The following CPNE7 variants were observed in gnomAD, a reference collection of about 807,000 sequenced individuals.
The protein encoded by CPNE7 is copine-7.
CPNE7 carries 78 observed loss-of-function variants against 66.5 expected under a neutral mutation model. The ratio of observed to expected loss-of-function variants is 1.17; its 90% CI spans 0.98 to 1.42. The LOEUF (loss-of-function observed/expected upper bound fraction) is 1.42. Ranked by LOEUF, CPNE7 falls within the 40% of genes most tolerant of loss-of-function variation. The pLI is 0.00. For missense variants in CPNE7, 1,012 were observed against 776.6 expected (o/e 1.30, Z -3.60); for synonymous variants, 468 against 336.7 (o/e 1.39, Z -4.27).
At chr16:89,577,111 C>G (rs561113971) in intron 1 of CPNE7, among the ~76,000 whole-genome samples, 1 of 152,244 alleles carries the variant, frequency 6.6e-6, no homozygotes, top group South Asian at 2.1e-4. Flanking sequence ...GGCAGTTGGA[C>G]CAGGGAACTG....
intron 13 of CPNE7, among the ~76,000 whole-genome samples, chr16:89,592,571 T>TA (rs1255367948): frequency 6.7e-6 from 1 of 149,458 alleles, no homozygotes; most frequent in African/African-American, 2.5e-5. Flanking sequence ...GCCTCCCGAG[T>TA]AGCTGGGATT....
rs1454382415 is a variant in CPNE7 at position 89,587,238 on chromosome 16, G to GC, written c.927+140dup. ...CCCATCCCCGCCCCCTCAGTCCGTG[G>GC]CCCCGCCCCTCCCGCCCCCTCAGTC... On this transcript the variant is annotated intron_variant, in intron 9 of 14. Transcript: ENST00000319518. The GC allele has an allele frequency of 9.0e-6, 2 of 221,478 alleles. 1 individual carries two copies. The highest frequency in any genetic ancestry group is 6.0e-5 in the South Asian group (2 of 33,168). 13.7% of individuals were successfully genotyped at this position (221,478 alleles called of 1,614,324 possible). A position where few individuals can be genotyped will look rare whatever the true frequency, so the allele number is the denominator to read the frequency against.
rs377530717 is a variant in CPNE7, at chr16:89,584,096, C to T, written c.501C>T (p.Asp167=). The T allele has an allele frequency of 1.4e-5, 23 of 1,611,108 alleles. No homozygotes were observed. In the African/African-American group the frequency reaches 2.0e-4, roughly 14 times the overall value. The change falls in exon 4 of 15, where the codon GAC becomes GAT. Residue 167 remains aspartate (D), a synonymous_variant. Coordinates refer to ENST00000319518, the MANE Select transcript of CPNE7 (RefSeq NM_153636.3). The surrounding 1 kb of genome is among the most constrained non-coding windows in gnomAD (Gnocchi z 6.0). ...TCTCCTTCCGGGCCAGGAAGCTGGACGACAAGGTGAGTGCAGGTGCCGGGC... is the reference window on the plus strand; with the variant it reads ...TCTCCTTCCGGGCCAGGAAGCTGGATGACAAGGTGAGTGCAGGTGCCGGGC... ...VELSFRARKL[D]DKDLFSKSDP...
chr16:89,591,778 C>A (rs1806070221), intron 13 of CPNE7, among the ~76,000 whole-genome samples: 2 of 152,014 alleles, frequency 1.3e-5, no homozygotes, highest in Non-Finnish European at 2.9e-5. Flanking sequence ...CAGCTCACTG[C>A]AACCTCTGCT....
Position 89,575,952 on chromosome 16 carries a change from C to A in CPNE7, c.55C>A (p.Pro19Thr). ...GGCAACCCCCGGGGGTTTGCCCGCG[C>A]CCTGCGCCTCGAAGGTGGAGCTGCG... is the stretch of plus-strand genomic sequence containing the variant. ...AAATPGGLPA[P>T]CASKVELRLS... Residue 19 changes from proline (P) to threonine (T), a missense_variant, in exon 1 of 15, where the codon CCC (proline) becomes ACC (threonine). Pro to Thr is a conservative substitution (Grantham distance 38). Transcript: ENST00000319518. 7.4e-7 allele frequency: 1 copy of A among 1,346,494 alleles called. No homozygotes were observed. Among genetic ancestry groups the A allele is most frequent in the Non-Finnish European group, 9.5e-7 (1 of 1,048,152 alleles). The allele number at this position is 1,346,494 out of a possible 1,614,324, so 83.4% of individuals were successfully genotyped here.
Position 89,597,174 on chromosome 16 carries a change from TG to T in CPNE7, c.*554del. 6.8e-6 allele frequency: 1 copy of T among 147,658 alleles called. No homozygotes were observed. The highest frequency in any genetic ancestry group is 2.4e-5 in the African/African-American group (1 of 41,150). The allele number at this position is 147,658 out of a possible 1,614,324, so 9.1% of individuals were successfully genotyped here. On this transcript the variant is annotated 3_prime_UTR_variant, in exon 15 of 15. Coordinates refer to ENST00000319518, the MANE Select transcript of CPNE7 (RefSeq NM_153636.3). ...CTGGGTCCATGGGGTCTGCGGGGTCTGCGGGGTCTGCCTGGCCTGTGGGTTC... is the reference window on the plus strand; with the variant it reads ...CTGGGTCCATGGGGTCTGCGGGGTCTCGGGGTCTGCCTGGCCTGTGGGTTC...
chr16:89,588,188 ACGGCCCCCGTGT>A (rs2059110882), intron 9 of CPNE7, among the ~76,000 whole-genome samples: 1 of 102,620 alleles, frequency 9.7e-6, no homozygotes. Context: ...CCACAGATAC[ACGGCCCCCGTGT>A]CACCCGCGTG....
chr16:89,578,904 T>C (rs1242994470), intron 2 of CPNE7: 2 of 1,613,628 alleles, frequency 1.2e-6, no homozygotes, highest in Non-Finnish European at 8.5e-7. Context: ...TGTCTGTTGA[T>C]GTGCTGGGCC....
At chr16:89,577,839 C>G in intron 2 of CPNE7, 118 bp downstream of exon 2, 1 of 815,682 alleles carries the variant, frequency 1.2e-6, no homozygotes, top group Non-Finnish European at 1.9e-6. Context: ...TGGCTCTGCC[C>G]CCTCCTCAGC....
intron 13 of CPNE7, among the ~76,000 whole-genome samples, chr16:89,591,749 G>GA (rs1340928780): frequency 6.6e-6 from 1 of 151,754 alleles, no homozygotes; most frequent in Non-Finnish European, 1.5e-5. Context: ...ACCCAGGCTG[G>GA]AGTGCAGTGA....
chr16:89,589,976 C>G, intron 11 of CPNE7, 25 bp downstream of exon 11: 1 of 1,612,800 alleles, frequency 6.2e-7, no homozygotes, highest in South Asian at 1.1e-5. Flanking sequence ...AACCTGAGAC[C>G]TCAGAGCTGT....
Position 89,584,380 on chromosome 16 carries a change from A to G in CPNE7, c.507+278A>G, listed in dbSNP as rs1597701229. On this transcript the variant is annotated intron_variant, in intron 4 of 14. Coordinates refer to ENST00000319518, the MANE Select transcript of CPNE7 (RefSeq NM_153636.3). The surrounding 1 kb of genome is among the most constrained non-coding windows in gnomAD (Gnocchi z 6.0). ...TCAGGGATGGGGAAATAGGCCCAGCACCCCCGAGGCCACTGTCGTGACAGG... is the reference window on the plus strand; with the variant it reads ...TCAGGGATGGGGAAATAGGCCCAGCGCCCCCGAGGCCACTGTCGTGACAGG... Among the ~76,000 whole-genome samples the G allele has an allele frequency of 6.6e-6, 1 of 152,038 alleles. No homozygotes were observed. Among genetic ancestry groups the G allele is most frequent in the South Asian group, 2.1e-4 (1 of 4,820 alleles).
chr16:89,593,834 C>T (rs1278807299), intron 13 of CPNE7, among the ~76,000 whole-genome samples: 1 of 152,192 alleles, frequency 6.6e-6, no homozygotes, highest in East Asian at 1.9e-4. Context: ...GTTCCTGGCC[C>T]AGGAGCCAGT....
rs555565171 is a variant in CPNE7, at chr16:89,587,056, A to G, written c.881A>G (p.Tyr294Cys). 3 of 1,579,182 alleles carry G rather than the reference A, an allele frequency of 1.9e-6. No individual in the cohort carries two copies. The highest frequency in any genetic ancestry group is 2.3e-5 in the East Asian group (1 of 43,160). Reference sequence around the variant, plus strand: ...GCCGGCCGGAAGTTCCACAGGGTGTACTCCTTCCTGGACTATATCATGGGC... The same window carrying G: ...GCCGGCCGGAAGTTCCACAGGGTGTGCTCCTTCCTGGACTATATCATGGGC... ...VLADLKFHRV[Y>C]SFLDYIMGGC... Residue 294 changes from tyrosine (Y) to cysteine (C), a missense_variant, in exon 9 of 15, where the codon TAC (tyrosine) becomes TGC (cysteine). Tyr to Cys is a radical substitution (Grantham distance 194). Transcript: ENST00000319518.
chr16:89,576,163 A>T, intron 1 of CPNE7, 92 bp downstream of exon 1: 2 of 1,112,126 alleles, frequency 1.8e-6, no homozygotes, highest in Non-Finnish European at 1.1e-6. Context: ...CGCTGAGGCC[A>T]GTGGGGCGCA....
At chr16:89,593,632 G>A (rs970062139) in intron 13 of CPNE7, among the ~76,000 whole-genome samples, 2 of 152,168 alleles carry the variant, frequency 1.3e-5, no homozygotes, top group Admixed American at 1.3e-4. Flanking sequence ...GATTACAGGC[G>A]TGAGCCACCG....
intron 1 of CPNE7, among the ~76,000 whole-genome samples, chr16:89,576,503 G>T (rs2058862305): frequency 6.6e-6 from 1 of 152,106 alleles, no homozygotes; most frequent in Non-Finnish European, 1.5e-5. Context: ...GCGCGCTGGG[G>T]TGCGGACCTC....
intron 2 of CPNE7, among the ~76,000 whole-genome samples, chr16:89,579,363 C>T (rs1192574153): frequency 2.0e-5 from 3 of 152,150 alleles, no homozygotes; most frequent in African/African-American, 7.2e-5. Context: ...GGTGACTGTA[C>T]ACAGCTGACC....
At chr16:89,581,934 T>C (rs2058964491) in intron 2 of CPNE7, among the ~76,000 whole-genome samples, 1 of 152,262 alleles carries the variant, frequency 6.6e-6, no homozygotes. Flanking sequence ...CATGAGCCAC[T>C]GTGTCTGGCC....
Sources: allele counts gnomAD v4.1 joint callset (sites outside exome capture counted in the v4.1 genomes callset), GRCh38; gene constraint gnomAD v4.1.1; non-coding constraint Gnocchi (gnomAD v3.1); transcripts MANE v1.5; gene names NCBI Gene and HGNC (gene_info 2026-07-23, HGNC 2026-07-21).